The following TULP4 variants were observed in gnomAD, a reference collection of about 807,000 sequenced individuals.
The protein encoded by TULP4 is tubby-related protein 4.
A neutral mutation model predicts 129.0 loss-of-function variants in TULP4; 16 were observed. That is an observed-to-expected ratio of 0.12 (90% CI 0.08 to 0.19). The LOEUF is 0.19. Ranked by LOEUF, TULP4 falls within the 10% of genes least tolerant of loss-of-function variation. The pLI is 1.00. For missense variants in TULP4, 1,842 were observed against 2,059.1 expected (o/e 0.89, Z 2.04); for synonymous variants, 998 against 854.0 (o/e 1.17, Z -2.94).
At chr6:158,348,173 G>GTTTTTTTTTTT (rs34217788) in intron 1 of TULP4, among the ~76,000 whole-genome samples, 18 of 112,168 alleles carry the variant, frequency 1.6e-4, no homozygotes, top group African/African-American at 6.8e-4. Flanking sequence ...TTTTTTTAAG[G>GTTTTTTTTTTT]TTTTTTTTTT....
Position 158,233,434 on chromosome 6 carries a change from G to A in TULP4, n.68+1131G>A, listed in dbSNP as rs1777635308. 1.3e-5 allele frequency among the ~76,000 whole-genome samples: 2 copies of A among 152,362 alleles called. 1 individual carries two copies. The highest frequency in any genetic ancestry group is 4.1e-4 in the South Asian group (2 of 4,830). ...ACGTAAAAACCCGTTGCAGGTGTGG[G>A]TGTGGGTCCCTTCCTTTGTGCCTCT... On this transcript the variant is annotated intron_variant and non_coding_transcript_variant, in intron 1 of 1. Transcript: ENST00000620026.
chr6:158,255,591 G>A (rs1311404455), intron 1 of TULP4, among the ~76,000 whole-genome samples: 1 of 152,090 alleles, frequency 6.6e-6, no homozygotes, highest in Non-Finnish European at 1.5e-5. Context: ...GTCATGTCTG[G>A]GTGTGGTGCC....
intron 1 of TULP4, among the ~76,000 whole-genome samples, chr6:158,334,720 A>G (rs1779992476): frequency 6.6e-6 from 1 of 152,180 alleles, no homozygotes; most frequent in Admixed American, 6.5e-5. Flanking sequence ...CAAAATTCAC[A>G]TGTTGAAACT....
chr6:158,294,080 C>T (rs942037852), intron 1 of TULP4, among the ~76,000 whole-genome samples: 7 of 152,126 alleles, frequency 4.6e-5, no homozygotes, highest in African/African-American at 1.4e-4. Flanking sequence ...AGCAGGTCAT[C>T]GGGCCAGGCG....
chr6:158,349,341 G>A (rs1414028112), intron 1 of TULP4, among the ~76,000 whole-genome samples: 1 of 140,322 alleles, frequency 7.1e-6, no homozygotes, highest in Admixed American at 7.0e-5. Context: ...GCCGGGCAGA[G>A]GCACTCCTCA....
chr6:158,254,650 G>A (rs573107608), intron 1 of TULP4, among the ~76,000 whole-genome samples: 2 of 152,304 alleles, frequency 1.3e-5, no homozygotes, highest in African/African-American at 4.8e-5. Flanking sequence ...GGTCTTCACA[G>A]CCACCTTGCA....
intron 6 of TULP4, among the ~76,000 whole-genome samples, chr6:158,463,159 G>A (rs997091752): frequency 1.3e-5 from 2 of 152,168 alleles, no homozygotes; most frequent in Non-Finnish European, 1.5e-5. Context: ...GTCTCCTACA[G>A]TCATATTTGG....
At chr6:158,348,583 C>A (rs1250821437) in intron 1 of TULP4, among the ~76,000 whole-genome samples, 2 of 152,118 alleles carry the variant, frequency 1.3e-5, no homozygotes, top group Non-Finnish European at 2.9e-5. Flanking sequence ...TCTTTCTACA[C>A]AGACACAGTA....
At position 158,236,795 on chromosome 6, in the gene TULP4, C is replaced by CTTTTTTTTTTTTTTTT. The variant is rs71030149; in HGVS notation, n.68+4513_68+4528dup. On this transcript the variant is annotated intron_variant and non_coding_transcript_variant, in intron 1 of 1. Coordinates refer to the TULP4 transcript ENST00000620026. ...AGATGGGTAAATGCCCAATTCTTTT[C>CTTTTTTTTTTTTTTTT]TTTTTTTTTTTTTTTTTTTTTTTTT... 1.6e-3 allele frequency among the ~76,000 whole-genome samples: 104 copies of CTTTTTTTTTTTTTTTT among 63,276 alleles called. 18 individuals carry two copies. The highest frequency in any genetic ancestry group is 3.2e-3 in the East Asian group (10 of 3,078). The allele number at this position is 63,276 out of a possible 152,430, so 41.5% of individuals were successfully genotyped here.
intron 1 of TULP4, among the ~76,000 whole-genome samples, chr6:158,340,452 G>C (rs189631528): frequency 6.6e-6 from 1 of 152,040 alleles, no homozygotes; most frequent in Middle Eastern, 3.2e-3. Flanking sequence ...CAGGGTGAGC[G>C]TGTGTGGGTG....
chr6:158,506,801 A>C lies in TULP4; in HGVS notation c.*107A>C. On this transcript the variant is annotated 3_prime_UTR_variant, in exon 14 of 14. Transcript: ENST00000367097. ...CCGATGCCTGGGAGGACCAGAAGCC[A>C]ACAGCAAAACTGGAAAAGCCCGGCA... 1.3e-6 allele frequency: 1 copy of C among 761,252 alleles called. No homozygotes were observed. Among genetic ancestry groups the C allele is most frequent in the Non-Finnish European group, 2.2e-6 (1 of 452,246 alleles). The allele number at this position is 761,252 out of a possible 1,614,324, so 47.2% of individuals were successfully genotyped here. A position where few individuals can be genotyped will look rare whatever the true frequency, so the allele number is the denominator to read the frequency against.
At chr6:158,474,799 G>A (rs1435754045) in intron 6 of TULP4, among the ~76,000 whole-genome samples, 4 of 152,094 alleles carry the variant, frequency 2.6e-5, no homozygotes, top group African/African-American at 4.8e-5. Flanking sequence ...CTGAAAATTC[G>A]AAATACTCCA....
chr6:158,322,767 G>C (rs139716172), intron 1 of TULP4, among the ~76,000 whole-genome samples: 69 of 152,278 alleles, frequency 4.5e-4, no homozygotes, highest in African/African-American at 1.6e-3. Context: ...CGGGGGGCAA[G>C]AGAAGTCCCA....
intron 1 of TULP4, among the ~76,000 whole-genome samples, chr6:158,286,987 G>C (rs1478121822): frequency 1.3e-5 from 2 of 152,116 alleles, no homozygotes; most frequent in Non-Finnish European, 2.9e-5. Context: ...TACATTTAAT[G>C]GTCATTTGCC....
At chr6:158,499,647 G>A (rs1780401711) in intron 12 of TULP4, among the ~76,000 whole-genome samples, 1 of 152,114 alleles carries the variant, frequency 6.6e-6, no homozygotes, top group Admixed American at 6.5e-5. Flanking sequence ...AGTGGGCTCT[G>A]GAAGTCTCTT....
At chr6:158,427,839 ACTG>A (rs1778536118) in intron 2 of TULP4, 1 of 152,144 alleles carries the variant, frequency 6.6e-6, no homozygotes, top group Non-Finnish European at 1.5e-5. Flanking sequence ...GAAAGTTTAG[ACTG>A]GGCACAGTGG....
intron 1 of TULP4, among the ~76,000 whole-genome samples, chr6:158,302,687 A>G (rs1323985106): frequency 6.6e-6 from 1 of 152,224 alleles, no homozygotes; most frequent in Non-Finnish European, 1.5e-5. Flanking sequence ...GCCCTCTTCT[A>G]CAGTAACTTG....
At chr6:158,454,073 C>T (rs1779236303) in intron 5 of TULP4, among the ~76,000 whole-genome samples, 1 of 133,364 alleles carries the variant, frequency 7.5e-6, no homozygotes, top group Non-Finnish European at 1.5e-5. Flanking sequence ...TTTTTAGAAA[C>T]ATATTACATA....
upstream of TULP4, among the ~76,000 whole-genome samples, chr6:158,311,224 C>T (rs781207714): frequency 1.3e-5 from 2 of 152,136 alleles, no homozygotes; most frequent in East Asian, 1.9e-4. Flanking sequence ...ATTAGAAATG[C>T]GAACACCTGG....
Sources: allele counts gnomAD v4.1 joint callset (sites outside exome capture counted in the v4.1 genomes callset), GRCh38; gene constraint gnomAD v4.1.1; transcripts MANE v1.5; gene names NCBI Gene and HGNC (gene_info 2026-07-23, HGNC 2026-07-21).